IDO2: variants seen among roughly 807,000 people sequenced by gnomAD.
The protein encoded by IDO2 is indoleamine 2,3-dioxygenase-like 1 protein.
Under a neutral mutation model 45.1 loss-of-function variants are expected in IDO2, and 46 were observed. The observed-to-expected ratio is 1.02, with a 90% CI of 0.80 to 1.30. The LOEUF is 1.30. IDO2 is among the 50% of genes most tolerant of loss of function. The pLI is 0.00. For missense variants in IDO2, 544 were observed against 491.8 expected, an observed-to-expected ratio of 1.11 and a Z score of -1.00; for synonymous variants, 218 against 184.9, an observed-to-expected ratio of 1.18 and a Z score of -1.45.
At chr8:39,966,461 A>G (rs1808087129) in intron 3 of IDO2, among the ~76,000 whole-genome samples, 1 of 152,260 alleles carries the variant, frequency 6.6e-6, no homozygotes, top group Non-Finnish European at 1.5e-5. Flanking sequence ...AGACTGAATC[A>G]GTTAGCAATT....
chr8:39,989,010 T>C (rs1381480015), intron 7 of IDO2, among the ~76,000 whole-genome samples: 3 of 152,162 alleles, frequency 2.0e-5, no homozygotes, highest in African/African-American at 7.2e-5. Flanking sequence ...ATTTTCACAC[T>C]GTTATAAACA....
intron 8 of IDO2, among the ~76,000 whole-genome samples, chr8:39,990,804 T>C (rs966427784): frequency 6.6e-6 from 1 of 152,204 alleles, no homozygotes; most frequent in African/African-American, 2.4e-5. Context: ...AACACAGGCA[T>C]GGTCAGTTAC....
chr8:40,013,504 C>T, intron 9 of IDO2, 61 bp from the exon 10 acceptor site: 2 of 1,480,624 alleles, frequency 1.4e-6, no homozygotes, highest in Non-Finnish European at 1.8e-6. Context: ...GTTTCCATGT[C>T]AGAAAATATA....
chr8:39,951,944 G>T (rs1807820657), intron 2 of IDO2, among the ~76,000 whole-genome samples: 1 of 152,196 alleles, frequency 6.6e-6, no homozygotes, highest in African/African-American at 2.4e-5. Context: ...TGCCTGATAT[G>T]CTATGGTTTT....
rs1269318239 is a variant in IDO2 at position 39,972,133 on chromosome 8, G to A, written c.196-6934G>A. On this transcript the variant is annotated intron_variant, in intron 3 of 10. Coordinates refer to ENST00000502986, the Ensembl canonical transcript of IDO2. ...TGCATGATTGAACTTTAAGAGATAA[G>A]TTGCTTCTTATGGAGCAAAGAAAGT... Among the ~76,000 whole-genome samples, 3 of 152,152 alleles carry A rather than the reference G, an allele frequency of 2.0e-5. No individual in the cohort carries two copies. In the East Asian group the frequency reaches 5.8e-4, roughly 29 times the overall value.
At chr8:39,983,863 GA>G (rs71220808) in intron 5 of IDO2, among the ~76,000 whole-genome samples, 2 of 150,698 alleles carry the variant, frequency 1.3e-5, no homozygotes, top group Non-Finnish European at 3.0e-5. Context: ...TGTCTCAAAA[GA>G]AAAAAAAATT....
intron 7 of IDO2, among the ~76,000 whole-genome samples, chr8:39,988,603 G>C (rs141746007): frequency 4.6e-5 from 7 of 152,166 alleles, no homozygotes; most frequent in African/African-American, 1.4e-4. Flanking sequence ...ATTTTTAGTA[G>C]AGACAGGGTT....
chr8:39,972,824 A>G (rs1019058253), intron 3 of IDO2, among the ~76,000 whole-genome samples: 3 of 152,108 alleles, frequency 2.0e-5, no homozygotes, highest in African/African-American at 7.2e-5. Context: ...CAGCAAAGAG[A>G]TTATGACTCA....
At chr8:39,991,233 A>G (rs1808492224) in intron 8 of IDO2, among the ~76,000 whole-genome samples, 1 of 152,130 alleles carries the variant, frequency 6.6e-6, no homozygotes, top group Non-Finnish European at 1.5e-5. Context: ...TATTTTCTCT[A>G]TTTCCTTGAA....
At chr8:39,936,895 C>A (rs1170111407) in intron 1 of IDO2, among the ~76,000 whole-genome samples, 1 of 152,184 alleles carries the variant, frequency 6.6e-6, no homozygotes, top group Admixed American at 6.5e-5. Flanking sequence ...GACAATCTGG[C>A]AGTGTTAGGC....
At chr8:39,964,708 T>G (rs1808058526) in intron 3 of IDO2, among the ~76,000 whole-genome samples, 1 of 152,212 alleles carries the variant, frequency 6.6e-6, no homozygotes, top group Admixed American at 6.5e-5. Context: ...AGTAATTTCT[T>G]TGCCTGATAG....
chr8:39,980,584 A>T (rs1444580220), intron 4 of IDO2, among the ~76,000 whole-genome samples: 1 of 152,044 alleles, frequency 6.6e-6, no homozygotes, highest in African/African-American at 2.4e-5. Flanking sequence ...GAAATCAGGG[A>T]GTTACCCATG....
intron 3 of IDO2, among the ~76,000 whole-genome samples, chr8:39,973,247 A>G (rs1808207953): frequency 1.3e-5 from 2 of 152,194 alleles, no homozygotes; most frequent in African/African-American, 4.8e-5. Context: ...TTATAAATAT[A>G]TAAGAATGTA....
chr8:39,995,229 TTCTCCTTCTC>T lies in IDO2; in HGVS notation c.667+5392_667+5401del, dbSNP rs1563438236. ...CTTCTCCTTCTCCTTCTCCTTCTCCTTCTCCTTCTCCTTCTCCTTCTCCTTCTTCTTCTTC... is the reference window on the plus strand; with the variant it reads ...CTTCTCCTTCTCCTTCTCCTTCTCCTCTTCTCCTTCTCCTTCTTCTTCTTC... On this transcript the variant is annotated intron_variant, in intron 8 of 10. Transcript: ENST00000502986. 57 of 87,088 alleles carry T rather than the reference TTCTCCTTCTC, an allele frequency of 6.5e-4. 3 individuals are homozygous for T. The highest frequency in any genetic ancestry group is 3.0e-3 in the African/African-American group (56 of 18,632). The allele number at this position is 87,088 out of a possible 1,614,324, so 5.4% of individuals were successfully genotyped here.
At chr8:39,950,570 T>C (rs1807799374) in intron 2 of IDO2, among the ~76,000 whole-genome samples, 1 of 152,118 alleles carries the variant, frequency 6.6e-6, no homozygotes, top group Admixed American at 6.6e-5. Flanking sequence ...GACCTTTACT[T>C]TCTGCAGAAA....
At chr8:39,935,347 C>T (rs1277957781) in intron 1 of IDO2, 129 bp downstream of exon 1, 17 of 802,838 alleles carry the variant, frequency 2.1e-5, no homozygotes, top group Non-Finnish European at 3.3e-5. Flanking sequence ...TTATGTTTCC[C>T]TAGAAATTGC....
At chr8:39,988,567 C>T (rs1053973751) in intron 7 of IDO2, among the ~76,000 whole-genome samples, 8 of 152,094 alleles carry the variant, frequency 5.3e-5, no homozygotes, top group East Asian at 1.9e-4. Flanking sequence ...AAGTAGTGCA[C>T]GCCACCACGC....
At chr8:39,939,109 C>T (rs142129911) in intron 1 of IDO2, among the ~76,000 whole-genome samples, 2,325 of 151,764 alleles carry the variant, frequency 0.015, 68 homozygotes, top group African/African-American at 0.053. Flanking sequence ...AAAATTAGCC[C>T]GGTGTGGTGG....
chr8:39,955,996 T>TAGTG (rs1807885466), intron 2 of IDO2, among the ~76,000 whole-genome samples: 1 of 152,116 alleles, frequency 6.6e-6, no homozygotes, highest in Admixed American at 6.6e-5. Flanking sequence ...TTGCCTTGGT[T>TAGTG]AGTGTTATTA....
Sources: gnomAD v4.1 joint callset for allele counts (sites outside exome capture counted in the v4.1 genomes callset) on GRCh38, gnomAD v4.1.1 for gene constraint, MANE v1.5 for transcripts, NCBI Gene and HGNC (gene_info 2026-07-23, HGNC 2026-07-21) for gene names.